The following PTGFR variants were observed in gnomAD, a reference collection of about 807,000 sequenced individuals.
PTGFR encodes the protein prostaglandin F receptor, also known as prostaglandin F2-alpha receptor.
PTGFR carries 15 observed loss-of-function variants against 26.2 expected under a neutral mutation model. The ratio of observed to expected loss-of-function variants is 0.57; its 90% CI spans 0.38 to 0.88. PTGFR has a LOEUF of 0.88. PTGFR is among the 40% of genes least tolerant of loss of function. The pLI, the probability that PTGFR is intolerant of heterozygous loss-of-function variation, is 0.00. For synonymous variants in PTGFR, 165 were observed against 151.1 expected (o/e 1.09, Z -0.68); for missense variants, 369 against 427.2 (o/e 0.86, Z 1.20).
chr1:78,514,250 C>A (rs1439859230), intron 2 of PTGFR, among the ~76,000 whole-genome samples: 13 of 152,216 alleles, frequency 8.5e-5, no homozygotes, highest in Admixed American at 8.5e-4. Flanking sequence ...TGTGAGCAGC[C>A]ACGGTGGCTG....
At chr1:78,505,620 C>T (rs1485707532) in intron 2 of PTGFR, among the ~76,000 whole-genome samples, 2 of 152,116 alleles carry the variant, frequency 1.3e-5, no homozygotes, top group African/African-American at 2.4e-5. Context: ...CAATGTTGTG[C>T]AGCTGTCACC....
chr1:78,537,713 T>C lies in PTGFR; in HGVS notation c.*1026T>C, dbSNP rs913507377. 4.6e-5 allele frequency: 7 copies of C among 152,106 alleles called. No individual in the cohort carries two copies. Among genetic ancestry groups the C allele is most frequent in the African/African-American group, 1.7e-4 (7 of 41,442 alleles). 9.4% of individuals were successfully genotyped at this position (152,106 alleles called of 1,614,324 possible). On this transcript the variant is annotated 3_prime_UTR_variant, in exon 3 of 3. Coordinates refer to ENST00000370757, the MANE Select transcript of PTGFR (RefSeq NM_000959.4). ...GAAAATTCTGTTGAGAGCAGGTTCA[T>C]TAAATTTGTAAGATGGCATATTCTA...
At chr1:78,532,489 TA>T in intron 2 of PTGFR, 2 of 138,540 alleles carry the variant, frequency 1.4e-5, no homozygotes, top group African/African-American at 6.2e-5. Context: ...TGTGTGTATA[TA>T]TGTGTATATA....
rs985716568 is a variant in PTGFR, at chr1:78,538,408, G to T, written c.*1721G>T. 9 of 151,908 alleles carry T rather than the reference G, an allele frequency of 5.9e-5. No individual in the cohort carries two copies. The highest frequency in any genetic ancestry group is 2.2e-4 in the African/African-American group (9 of 41,376). The allele number at this position is 151,908 out of a possible 1,614,324, so 9.4% of individuals were successfully genotyped here. On this transcript the variant is annotated 3_prime_UTR_variant, in exon 3 of 3. Transcript: ENST00000370757. The stretch of plus-strand genomic sequence containing the variant: ...ATCTTGCAACATGGCCATGTGCAAG[G>T]CTTTAAGGAGTGAGAGAGATGTGTA...
At chr1:78,498,597 G>C (rs1271114887) in intron 2 of PTGFR, among the ~76,000 whole-genome samples, 2 of 152,090 alleles carry the variant, frequency 1.3e-5, no homozygotes, top group Admixed American at 1.3e-4. Flanking sequence ...ATAGCTAATA[G>C]ATACTGTGTT....
At chr1:78,527,586 T>TA (rs1393942720) in intron 2 of PTGFR, among the ~76,000 whole-genome samples, 1 of 152,114 alleles carries the variant, frequency 6.6e-6, no homozygotes, top group East Asian at 1.9e-4. Flanking sequence ...CCCCAAATCT[T>TA]ACAACACATT....
chr1:78,499,180 CCTCTT>C (rs1476801870), intron 2 of PTGFR, among the ~76,000 whole-genome samples: 3 of 152,254 alleles, frequency 2.0e-5, no homozygotes, highest in Admixed American at 6.5e-5. Context: ...GGAACACTCT[CCTCTT>C]GACATTCACG....
chr1:78,513,880 C>G (rs1260448800), intron 2 of PTGFR, among the ~76,000 whole-genome samples: 1 of 152,260 alleles, frequency 6.6e-6, no homozygotes, highest in Non-Finnish European at 1.5e-5. Context: ...ATCTTGGCCA[C>G]TGCCAAGTGT....
chr1:78,511,304 C>T (rs986515962), intron 2 of PTGFR, among the ~76,000 whole-genome samples: 3 of 152,220 alleles, frequency 2.0e-5, no homozygotes, highest in Non-Finnish European at 2.9e-5. Context: ...GGGCACCCAG[C>T]CTTCCCCATA....
intron 2 of PTGFR, among the ~76,000 whole-genome samples, chr1:78,503,895 T>G (rs565585963): frequency 2.0e-5 from 3 of 152,324 alleles, no homozygotes; most frequent in South Asian, 2.1e-4. Context: ...ACATATTCCT[T>G]TATTTTGCTT....
intron 2 of PTGFR, among the ~76,000 whole-genome samples, chr1:78,520,049 C>G (rs1416492487): frequency 6.6e-6 from 1 of 151,930 alleles, no homozygotes; most frequent in Non-Finnish European, 1.5e-5. Context: ...TCTTTTCATG[C>G]TGTGCTTAGT....
chr1:78,510,688 A>T (rs1649945491), intron 2 of PTGFR, among the ~76,000 whole-genome samples: 2 of 152,136 alleles, frequency 1.3e-5, no homozygotes, highest in Non-Finnish European at 2.9e-5. Context: ...TGCAAAATGC[A>T]ACAATCCCCT....
intron 2 of PTGFR, among the ~76,000 whole-genome samples, chr1:78,508,384 C>T (rs1649876575): frequency 6.6e-6 from 1 of 152,114 alleles, no homozygotes; most frequent in African/African-American, 2.4e-5. Flanking sequence ...CATGGTTTTG[C>T]TGAACAGCTT....
In PTGFR at chr1:78,536,706, CTG is replaced by C. The variant is rs746659428; in HGVS notation, c.*24_*25del. ...CACCTAGCTTAATAGGACAGTAAATCTGTGTGGGGCTAGAACAAAATTAAGAC... is the reference window on the plus strand; with the variant it reads ...CACCTAGCTTAATAGGACAGTAAATCTGTGGGGCTAGAACAAAATTAAGAC... On this transcript the variant is annotated 3_prime_UTR_variant, in exon 3 of 3. Transcript: ENST00000370757. The C allele has an allele frequency of 3.8e-6, 6 of 1,594,744 alleles. No individual in the cohort carries two copies. Among genetic ancestry groups the C allele is most frequent in the Non-Finnish European group, 4.3e-6 (5 of 1,171,692 alleles).
chr1:78,497,936 C>A (rs1488611371), intron 2 of PTGFR: 3 of 1,586,110 alleles, frequency 1.9e-6, no homozygotes, highest in Non-Finnish European at 2.6e-6. Context: ...AAAGTGATTT[C>A]TTACATAGGT....
chr1:78,523,345 G>T (rs1650292513), intron 2 of PTGFR, among the ~76,000 whole-genome samples: 1 of 152,028 alleles, frequency 6.6e-6, no homozygotes, highest in Non-Finnish European at 1.5e-5. Flanking sequence ...CTTAGTCCCA[G>T]AAATCTCATT....
intron 2 of PTGFR, among the ~76,000 whole-genome samples, chr1:78,518,567 GACACACACAC>G (rs57447321): frequency 0.21 from 29,530 of 137,718 alleles, 3,046 homozygotes; most frequent in Non-Finnish European, 0.27. Context: ...CAGTATAAAA[GACACACACAC>G]ACACACACAC....
chr1:78,528,428 AG>A (rs143509115), intron 2 of PTGFR, among the ~76,000 whole-genome samples: 4,282 of 151,956 alleles, frequency 0.028, 218 homozygotes, highest in African/African-American at 0.098. Flanking sequence ...ATCATCAGGA[AG>A]GGCTGATTTT....
intron 2 of PTGFR, among the ~76,000 whole-genome samples, chr1:78,514,946 C>T (rs1650058803): frequency 6.6e-6 from 1 of 152,096 alleles, no homozygotes; most frequent in Admixed American, 6.5e-5. Flanking sequence ...TTTTCTTAGG[C>T]CTTTACCAGA....
Sources: gnomAD v4.1 joint callset for allele counts (sites outside exome capture counted in the v4.1 genomes callset) on GRCh38, gnomAD v4.1.1 for gene constraint, MANE v1.5 for transcripts, NCBI Gene and HGNC (gene_info 2026-07-23, HGNC 2026-07-21) for gene names.